Variants in ATP2B3 observed in about 807,000 individuals in gnomAD.
ATP2B3 encodes the protein ATPase plasma membrane Ca2+ transporting 3.
Under a neutral mutation model 70.8 loss-of-function variants are expected in ATP2B3, and 12 were observed. The observed-to-expected ratio is 0.17, with a 90% CI of 0.11 to 0.27. The LOEUF (loss-of-function observed/expected upper bound fraction) is 0.27, where lower values mean the gene tolerates loss of function less well. ATP2B3 is among the 10% of genes least tolerant of loss of function. The pLI, the probability that ATP2B3 is intolerant of heterozygous loss-of-function variation, is 1.00. For synonymous variants in ATP2B3, 460 were observed against 497.8 expected (o/e 0.92, Z 1.01); for missense variants, 858 against 1,118.5 (o/e 0.77, Z 3.32).
At chrX:153,526,865 C>A (rs1378044327) in intron 2 of ATP2B3, among the ~76,000 whole-genome samples, 1 of 112,297 alleles carries the variant, frequency 8.9e-6, no homozygotes, top group Non-Finnish European at 1.9e-5. Flanking sequence ...GACACCAATG[C>A]ATCCCCCCAG....
rs1173632140 is a variant in ATP2B3, at chrX:153,555,910, A to T, written c.2059-139A>T. On this transcript the variant is annotated intron_variant, in intron 13 of 21. Coordinates refer to ENST00000263519, the MANE Select transcript of ATP2B3 (RefSeq NM_001001344.3). Reference sequence around the variant, plus strand: ...ACTGTAGGCTAACACAAGTGTTCTGAGCACGTGAATCGGATGGCTTTACTC... The same window carrying T: ...ACTGTAGGCTAACACAAGTGTTCTGTGCACGTGAATCGGATGGCTTTACTC... 9 of 664,029 alleles carry T rather than the reference A, an allele frequency of 1.4e-5. No homozygotes were observed. The East Asian group carries it at 2.6e-4, about 19-fold the overall frequency. The allele number at this position is 664,029 out of a possible 1,213,427, so 54.7% of individuals were successfully genotyped here. A position where few individuals can be genotyped will look rare whatever the true frequency, so the allele number is the denominator to read the frequency against.
chrX:153,520,753 TTGTAGCCATTA>T (rs1393260012), intron 2 of ATP2B3, among the ~76,000 whole-genome samples: 1 of 112,363 alleles, frequency 8.9e-6, no homozygotes, highest in Non-Finnish European at 1.9e-5. Context: ...TGGTCTGTGC[TTGTAGCCATTA>T]GTTCCTGTAT....
chrX:153,552,727 G>A (rs1343067688), intron 12 of ATP2B3, among the ~76,000 whole-genome samples: 10 of 112,402 alleles, frequency 8.9e-5, no homozygotes, highest in African/African-American at 2.6e-4. Context: ...TCTGGAGGCC[G>A]GAAGTCCAAA....
intron 21 of ATP2B3, among the ~76,000 whole-genome samples, chrX:153,576,643 A>G (rs2090860412): frequency 8.9e-6 from 1 of 112,032 alleles, no homozygotes; most frequent in Admixed American, 9.4e-5. Flanking sequence ...CTGATGGTCT[A>G]TAGACAGCAT....
chrX:153,559,563 C>T (rs782206799), intron 17 of ATP2B3, 166 bp from the exon 18 acceptor site: 13 of 451,590 alleles, frequency 2.9e-5, no homozygotes, highest in African/African-American at 1.2e-4. Flanking sequence ...CCAAAGAAAA[C>T]GCCCCACTAG....
At chrX:153,523,497 T>C (rs1556998552) in intron 2 of ATP2B3, among the ~76,000 whole-genome samples, 1 of 111,971 alleles carries the variant, frequency 8.9e-6, no homozygotes, top group Non-Finnish European at 1.9e-5. Flanking sequence ...AAGGGCTTTT[T>C]CATCGCACTG....
At chrX:153,563,159 T>TTTTTTTA (rs2090652062) in intron 20 of ATP2B3, among the ~76,000 whole-genome samples, 1 of 95,079 alleles carries the variant, frequency 1.1e-5, no homozygotes. Context: ...TTTTTTTTTT[T>TTTTTTTA]GAGACAGGGT....
chrX:153,564,814 C>T, intron 20 of ATP2B3, 107 bp from the exon 21 acceptor site: 1 of 847,152 alleles, frequency 1.2e-6, no homozygotes, highest in South Asian at 2.9e-5. Flanking sequence ...AAACAAATGA[C>T]ATCCTTTGGA....
chrX:153,532,432 C>T (rs782114511), intron 2 of ATP2B3, among the ~76,000 whole-genome samples: 9 of 112,315 alleles, frequency 8.0e-5, no homozygotes, highest in Non-Finnish European at 1.7e-4. Flanking sequence ...GGGTTTGAGT[C>T]ACTGGGTGGG....
At chrX:153,570,301 G>A (rs1439265795) in intron 21 of ATP2B3, among the ~76,000 whole-genome samples, 2 of 112,630 alleles carry the variant, frequency 1.8e-5, no homozygotes, top group South Asian at 7.3e-4. Context: ...TAAGGATGCC[G>A]CTGTCACCTG....
At chrX:153,527,069 C>T (rs1358917205) in intron 2 of ATP2B3, among the ~76,000 whole-genome samples, 1 of 112,678 alleles carries the variant, frequency 8.9e-6, no homozygotes, top group Non-Finnish European at 1.9e-5. Context: ...GCCCCATGGC[C>T]TCCAGCTGCC....
intron 2 of ATP2B3, among the ~76,000 whole-genome samples, chrX:153,518,875 C>A (rs1477226743): frequency 1.8e-5 from 2 of 112,256 alleles, no homozygotes; most frequent in Non-Finnish European, 3.8e-5. Flanking sequence ...AAGCCCAGGG[C>A]CTCCGACCTC....
chrX:153,558,427 T>C, intron 17 of ATP2B3, 124 bp downstream of exon 17: 2 of 733,118 alleles, frequency 2.7e-6, no homozygotes, highest in Non-Finnish European at 3.9e-6. Context: ...CAAATTCATA[T>C]GCCAAAAATT....
At chrX:153,545,995 G>C in intron 7 of ATP2B3, 93 bp from the exon 8 acceptor site, 12 of 1,004,598 alleles carry the variant, frequency 1.2e-5, no homozygotes, top group Non-Finnish European at 1.7e-5. Flanking sequence ...AAGGCCACCA[G>C]CAATCAGGCC....
chrX:153,549,038 A>G (rs1212785842), intron 10 of ATP2B3, among the ~76,000 whole-genome samples, 184 bp downstream of exon 10: 1 of 109,198 alleles, frequency 9.2e-6, no homozygotes, highest in Non-Finnish European at 1.9e-5. Flanking sequence ...CCTCGGCATG[A>G]GATGGGCCAG....
Position 153,553,088 on chromosome X carries a change from A to G in ATP2B3, c.1877A>G (p.Asp626Gly). The G allele has an allele frequency of 1.7e-6, 2 of 1,208,488 alleles. No homozygotes were observed. The highest frequency in any genetic ancestry group is 3.5e-5 in the South Asian group (2 of 56,898). The change falls in exon 13 of 22, where the codon GAC (aspartate) becomes GGC (glycine). Residue 626 changes from aspartate to glycine, a missense_variant. Transcript: ENST00000263519. ...GAACTCCGGGGCTTTCGGCCTCGGG[A>G]CCGGGACGACATGGTGAGGAAGATC... ...NGELRGFRPR[D>G]RDDMVRKIIE... is the part of the protein sequence containing the mutation.
At chrX:153,573,406 G>C (rs1297736535) in intron 21 of ATP2B3, among the ~76,000 whole-genome samples, 1 of 112,386 alleles carries the variant, frequency 8.9e-6, no homozygotes, top group Non-Finnish European at 1.9e-5. Flanking sequence ...TTTGAGCCAA[G>C]CCTCCCTACC....
At chrX:153,572,944 A>G (rs1371870209) in intron 21 of ATP2B3, among the ~76,000 whole-genome samples, 1 of 112,453 alleles carries the variant, frequency 8.9e-6, no homozygotes, top group Non-Finnish European at 1.9e-5. Context: ...GCCACTTGAG[A>G]GGCCTTTTAT....
intron 18 of ATP2B3, among the ~76,000 whole-genome samples, chrX:153,560,242 G>A (rs2090604414): frequency 8.9e-6 from 1 of 111,898 alleles, no homozygotes. Flanking sequence ...TGTAGAGTAG[G>A]CAGCTTCTAC....
Sources: gnomAD v4.1 joint callset for allele counts (sites outside exome capture counted in the v4.1 genomes callset) on GRCh38, gnomAD v4.1.1 for gene constraint, MANE v1.5 for transcripts, NCBI Gene and HGNC (gene_info 2026-07-23, HGNC 2026-07-21) for gene names.